SUCLG2: variants seen among roughly 807,000 people sequenced by gnomAD.
SUCLG2 encodes succinate--CoA ligase [GDP-forming] subunit beta, mitochondrial.
In SUCLG2, 42 loss-of-function variants were observed where a neutral mutation model predicts 47.9. The observed-to-expected ratio is 0.88, with a 90% CI of 0.69 to 1.14. The LOEUF is 1.14. Among genes scored for constraint, SUCLG2 ranks in the 50% most tolerant of loss-of-function variants. SUCLG2 has a pLI of 0.00. For synonymous variants in SUCLG2, 195 were observed against 197.3 expected, an observed-to-expected ratio of 0.99 and a Z score of 0.10; for missense variants, 571 against 525.9, an observed-to-expected ratio of 1.09 and a Z score of -0.84.
At chr3:67,387,773 A>G (rs921840085) in intron 10 of SUCLG2, among the ~76,000 whole-genome samples, 5 of 152,152 alleles carry the variant, frequency 3.3e-5, no homozygotes, top group Non-Finnish European at 7.4e-5. Context: ...AAGATTTGAC[A>G]TTTCTAAATT....
At chr3:67,606,998 G>A (rs1433403004) in intron 2 of SUCLG2, among the ~76,000 whole-genome samples, 14 of 152,152 alleles carry the variant, frequency 9.2e-5, no homozygotes, top group Admixed American at 5.9e-4. Flanking sequence ...AAGTACCTGC[G>A]ACTTACTCTT....
intron 2 of SUCLG2, among the ~76,000 whole-genome samples, chr3:67,598,201 C>T (rs1283696413): frequency 5.9e-5 from 9 of 151,954 alleles, no homozygotes; most frequent in Admixed American, 1.3e-4. Context: ...AGGCTGTTCT[C>T]GAACTCCTGA....
At chr3:67,649,944 T>C (rs1446078265) in intron 1 of SUCLG2, among the ~76,000 whole-genome samples, 1 of 152,212 alleles carries the variant, frequency 6.6e-6, no homozygotes, top group Non-Finnish European at 1.5e-5. Context: ...AGGGCAGGAA[T>C]GTTCTCACTA....
At chr3:67,459,179 C>A (rs1383090786) in intron 9 of SUCLG2, among the ~76,000 whole-genome samples, 1 of 152,186 alleles carries the variant, frequency 6.6e-6, no homozygotes, top group Non-Finnish European at 1.5e-5. Flanking sequence ...CACAGTTTTA[C>A]GTTTTCCTCA....
Position 67,364,362 on chromosome 3 carries a change from G to A in SUCLG2, c.1184-3594C>T, listed in dbSNP as rs192264925. Among the ~76,000 whole-genome samples the A allele has an allele frequency of 2.0e-5, 3 of 152,134 alleles. No homozygotes were observed. In the East Asian group the frequency reaches 5.8e-4, roughly 30 times the overall value. On this transcript the variant is annotated intron_variant, in intron 10 of 10. Transcript: ENST00000493112. ...TTCCACCCCTGCTCAGCGGTAAAGA[G>A]GCATCCCCCCCAACTATTCACTGTT...
Position 67,379,113 on chromosome 3 carries a change from AT to A in SUCLG2, c.1184-3255del, listed in dbSNP as rs551669339. ...AGGCAGTGGCCACCTCTCCCAACCA[AT>A]TTTTGTATTTTTAGTAGAGATAGGG... On this transcript the variant is annotated intron_variant, in intron 10 of 10. Coordinates refer to ENST00000307227, the MANE Select transcript of SUCLG2 (RefSeq NM_003848.4). 9.9e-5 allele frequency among the ~76,000 whole-genome samples: 15 copies of A among 151,990 alleles called. No individual in the cohort carries two copies. In the East Asian group the frequency reaches 2.9e-3, roughly 29 times the overall value.
At chr3:67,653,813 T>C (rs2107393600) in intron 1 of SUCLG2, among the ~76,000 whole-genome samples, 1 of 152,314 alleles carries the variant, frequency 6.6e-6, no homozygotes, top group Non-Finnish European at 1.5e-5. Context: ...AGAGGCCAAG[T>C]TCCAATCGCT....
intron 9 of SUCLG2, among the ~76,000 whole-genome samples, chr3:67,440,307 T>C (rs12486689): frequency 0.048 from 7,273 of 152,144 alleles, 224 homozygotes; most frequent in South Asian, 0.094. Context: ...ATACCATTCA[T>C]GACATAGGCA....
intron 2 of SUCLG2, among the ~76,000 whole-genome samples, chr3:67,536,650 G>T (rs12497990): frequency 0.52 from 78,482 of 152,104 alleles, 21,698 homozygotes; most frequent in Non-Finnish European, 0.61. Flanking sequence ...CTGCTCTTTA[G>T]AGGAACTCAT....
At chr3:67,511,559 G>A (rs964065003) in intron 6 of SUCLG2, among the ~76,000 whole-genome samples, 5 of 152,154 alleles carry the variant, frequency 3.3e-5, no homozygotes, top group Non-Finnish European at 7.4e-5. Context: ...CTCTTCCTTC[G>A]TCTTCCACCA....
intron 6 of SUCLG2, among the ~76,000 whole-genome samples, chr3:67,517,784 T>A (rs1304684157): frequency 1.3e-5 from 2 of 152,240 alleles, no homozygotes; most frequent in African/African-American, 4.8e-5. Context: ...GTATTATTAA[T>A]ATTAATACCA....
intron 1 of SUCLG2, among the ~76,000 whole-genome samples, chr3:67,613,922 A>T (rs1700577937): frequency 6.6e-6 from 1 of 152,140 alleles, no homozygotes; most frequent in Admixed American, 6.6e-5. Flanking sequence ...GTCTACCAGG[A>T]ATAGGACTTT....
chr3:67,367,649 G>C (rs1291101483), intron 10 of SUCLG2, among the ~76,000 whole-genome samples: 1 of 152,146 alleles, frequency 6.6e-6, no homozygotes, highest in Non-Finnish European at 1.5e-5. Context: ...AGCATCCTTG[G>C]CCTCTACCTA....
chr3:67,416,443 T>C (rs1000321115), intron 9 of SUCLG2, among the ~76,000 whole-genome samples: 3 of 152,314 alleles, frequency 2.0e-5, no homozygotes, highest in East Asian at 1.9e-4. Context: ...TTTCCTAAAT[T>C]TTATACTTAA....
chr3:67,601,193 AATG>A, intron 2 of SUCLG2, among the ~76,000 whole-genome samples: 1 of 152,224 alleles, frequency 6.6e-6, no homozygotes, highest in Non-Finnish European at 1.5e-5. Flanking sequence ...ATTCTCTCTC[AATG>A]ATGTCATATA....
At chr3:67,460,727 TA>T (rs1388648965) in intron 9 of SUCLG2, among the ~76,000 whole-genome samples, 1 of 152,184 alleles carries the variant, frequency 6.6e-6, no homozygotes, top group Non-Finnish European at 1.5e-5. Context: ...TTAGGAAATC[TA>T]GCTTCTCATC....
intron 2 of SUCLG2, among the ~76,000 whole-genome samples, chr3:67,601,701 A>G (rs1708421471): frequency 6.6e-6 from 1 of 152,174 alleles, no homozygotes; most frequent in African/African-American, 2.4e-5. Flanking sequence ...GGCCAGGCCT[A>G]TAATCTTCCC....
chr3:67,619,582 G>T (rs528460579), intron 1 of SUCLG2, among the ~76,000 whole-genome samples: 4 of 152,320 alleles, frequency 2.6e-5, no homozygotes, highest in East Asian at 1.9e-4. Context: ...GGGAAAATGG[G>T]AAGGTGTGAA....
chr3:67,375,016 T>C lies in SUCLG2; in HGVS notation c.*728A>G, dbSNP rs1575654500. On this transcript the variant is annotated 3_prime_UTR_variant, in exon 11 of 11. Transcript: ENST00000307227. ...TTTCCATAAGAATCAGGATTCATTT[T>C]TGACACAAAAATGGAAGCTTCCACT... 5.1e-6 allele frequency: 5 copies of C among 985,830 alleles called. No homozygotes were observed. Among genetic ancestry groups the C allele is most frequent in the Non-Finnish European group, 6.0e-6 (5 of 829,928 alleles). The allele number at this position is 985,830 out of a possible 1,614,324, so 61.1% of individuals were successfully genotyped here. A position where few individuals can be genotyped will look rare whatever the true frequency, so the allele number is the denominator to read the frequency against.
Sources: gnomAD v4.1 joint callset for allele counts (sites outside exome capture counted in the v4.1 genomes callset) on GRCh38, gnomAD v4.1.1 for gene constraint, MANE v1.5 for transcripts, NCBI Gene and HGNC (gene_info 2026-07-23, HGNC 2026-07-21) for gene names.